The following SHROOM3 variants were observed in gnomAD, a reference collection of about 807,000 sequenced individuals.
The protein encoded by SHROOM3 is protein Shroom3.
In SHROOM3, 47 loss-of-function variants were observed where a neutral mutation model predicts 138.6. The ratio of observed to expected loss-of-function variants is 0.34; its 90% CI spans 0.27 to 0.43. The LOEUF is 0.43. Ranked by LOEUF, SHROOM3 falls within the 20% of genes least tolerant of loss-of-function variation. The pLI is 1.00. For missense variants in SHROOM3, 2,491 were observed against 2,596.5 expected, an observed-to-expected ratio of 0.96 and a Z score of 0.88; for synonymous variants, 1,062 against 1,063.3, an observed-to-expected ratio of 1.00 and a Z score of 0.02.
chr4:76,739,838 C>G lies in SHROOM3; in HGVS notation c.1665C>G (p.Ser555=). 4 of 1,614,244 alleles carry G rather than the reference C, an allele frequency of 2.5e-6. No homozygotes were observed. Among genetic ancestry groups the G allele is most frequent in the Non-Finnish European group, 3.4e-6 (4 of 1,180,050 alleles). The change falls in exon 5 of 11, where the codon TCC becomes TCG. Residue 555 remains serine, a synonymous_variant. Coordinates refer to ENST00000296043, the MANE Select transcript of SHROOM3 (RefSeq NM_020859.4). Reference sequence around the variant, plus strand: ...AAGCTACAGCCAAGTATGTCCCCTCCAAAGTCCATTTCTGTTCAGTGCCTG... The same window carrying G: ...AAGCTACAGCCAAGTATGTCCCCTCGAAAGTCCATTTCTGTTCAGTGCCTG... ...KPEATAKYVP[S]KVHFCSVPEN...
At chr4:76,748,885 G>A (rs1721535137) in intron 5 of SHROOM3, 132 bp from the exon 6 acceptor site, 1 of 624,728 alleles carries the variant, frequency 1.6e-6, no homozygotes, top group Admixed American at 1.9e-5. Context: ...TTATGTAAGA[G>A]TGCCACCACG....
intron 2 of SHROOM3, among the ~76,000 whole-genome samples, chr4:76,564,037 C>T (rs75802673): frequency 0.06 from 9,066 of 152,224 alleles, 372 homozygotes; most frequent in East Asian, 0.15. Context: ...AGGAGCGTCT[C>T]GTGTCTGAAA....
chr4:76,477,864 G>A (rs1309467783), intron 1 of SHROOM3, among the ~76,000 whole-genome samples: 15 of 152,170 alleles, frequency 9.9e-5, no homozygotes, highest in Admixed American at 9.8e-4. Flanking sequence ...CACCTGGGAA[G>A]TGCAAGGGGT....
chr4:76,561,041 A>G (rs1229468033), intron 2 of SHROOM3, among the ~76,000 whole-genome samples: 1 of 152,238 alleles, frequency 6.6e-6, no homozygotes, highest in African/African-American at 2.4e-5. Context: ...AGAACACAGC[A>G]TATGAAGTCC....
intron 2 of SHROOM3, among the ~76,000 whole-genome samples, chr4:76,603,689 C>T (rs1341602397): frequency 6.6e-6 from 1 of 151,858 alleles, no homozygotes. Context: ...CCCATCAACT[C>T]GTTATTTACA....
In SHROOM3 at chr4:76,490,444, G is replaced by A. The variant is rs188017297; in HGVS notation, c.168+54224G>A. Among the ~76,000 whole-genome samples the A allele has an allele frequency of 1.3e-4, 19 of 151,904 alleles. No individual in the cohort carries two copies. The East Asian group carries it at 2.5e-3, about 20-fold the overall frequency. ...TTTTTTTCTTTTTTTTAGTAGAGACGGGAGTTTTCACCATGTTAGCCAGGA... is the reference window on the plus strand; with the variant it reads ...TTTTTTTCTTTTTTTTAGTAGAGACAGGAGTTTTCACCATGTTAGCCAGGA... On this transcript the variant is annotated intron_variant, in intron 1 of 10. Transcript: ENST00000296043.
In SHROOM3 at chr4:76,754,727, G is replaced by A. The variant is rs370846767; in HGVS notation, c.4244G>A (p.Gly1415Glu). The A allele has an allele frequency of 1.9e-6, 3 of 1,614,072 alleles. No homozygotes were observed. The highest frequency in any genetic ancestry group is 2.2e-5 in the South Asian group (2 of 91,082). ...GGCCCAGAGCATGGGGTAGAAGAGG[G>A]AACGAGGAAGAGGGTCTCGCTGCCT... ...GDGPEHGVEE[G>E]TRKRVSLPQW... is the part of the protein sequence containing the mutation. Residue 1415 changes from glycine (G) to glutamate (E), a missense_variant, in exon 7 of 11, where the codon GGA becomes GAA. Gly to Glu is a moderately conservative substitution (Grantham distance 98, BLOSUM62 -2). This residue lies in a region of SHROOM3 where 1,733 missense variants were observed against 1,661.6 expected (regional missense o/e 1.04). Coordinates refer to ENST00000296043, the MANE Select transcript of SHROOM3 (RefSeq NM_020859.4).
chr4:76,682,730 G>A (rs1719231860), intron 2 of SHROOM3, among the ~76,000 whole-genome samples: 2 of 152,186 alleles, frequency 1.3e-5, no homozygotes, highest in South Asian at 4.2e-4. Flanking sequence ...AAATATAAGT[G>A]GAATGAAAAG....
chr4:76,630,719 G>A (rs537911327), intron 2 of SHROOM3, among the ~76,000 whole-genome samples: 29 of 152,264 alleles, frequency 1.9e-4, no homozygotes, highest in Non-Finnish European at 2.6e-4. Flanking sequence ...ACTCTGCCAC[G>A]AGCTTTTGAT....
At chr4:76,773,658 A>G (rs1171067832) in intron 10 of SHROOM3, among the ~76,000 whole-genome samples, 1 of 152,108 alleles carries the variant, frequency 6.6e-6, no homozygotes, top group Non-Finnish European at 1.5e-5. Context: ...AAAGAATGCA[A>G]CTGCCACCAA....
intron 1 of SHROOM3, among the ~76,000 whole-genome samples, chr4:76,510,412 A>G (rs1026973710): frequency 6.6e-6 from 1 of 152,242 alleles, no homozygotes; most frequent in African/African-American, 2.4e-5. Flanking sequence ...TCTCTGCCAG[A>G]TGTAGCTGAA....
chr4:76,599,990 T>A (rs939459700), intron 2 of SHROOM3, among the ~76,000 whole-genome samples: 9 of 101,648 alleles, frequency 8.9e-5, no homozygotes, highest in African/African-American at 3.6e-4. Flanking sequence ...AAAAAAACAT[T>A]TTTTTTTTAA....
rs777533913 is a variant in SHROOM3 at position 76,741,780 on chromosome 4, G to T, written c.3607G>T (p.Asp1203Tyr). 8.9e-6 allele frequency: 14 copies of T among 1,575,972 alleles called. No individual in the cohort carries two copies. Among genetic ancestry groups the T allele is most frequent in the Non-Finnish European group, 1.1e-5 (13 of 1,161,226 alleles). ...TGGAACAAGGGGCACCCAGAGAGGGGATGAGACCCCCAGGGAGCCATCCTC... is the reference window on the plus strand; with the variant it reads ...TGGAACAAGGGGCACCCAGAGAGGGTATGAGACCCCCAGGGAGCCATCCTC... ...NGGTRGTQRG[D>Y]ETPREPSSWG... Residue 1203 changes from aspartate (D) to tyrosine (Y), a missense_variant, in exon 5 of 11, where the codon GAT (aspartate) becomes TAT (tyrosine). Physicochemically the swap from Asp to Tyr is radical, Grantham distance 160 (BLOSUM62 -3). Around this residue, in one of 4 missense-constraint regions of SHROOM3, gnomAD observed 1,733 missense variants for 1,661.6 expected, o/e 1.04. Coordinates refer to ENST00000296043, the MANE Select transcript of SHROOM3 (RefSeq NM_020859.4). This position sits in a 1 kb window ranked among gnomAD's most constrained non-coding sequence, Gnocchi z 6.2.
intron 2 of SHROOM3, among the ~76,000 whole-genome samples, chr4:76,650,435 G>T (rs1235921570): frequency 2.0e-5 from 3 of 151,842 alleles, no homozygotes; most frequent in Non-Finnish European, 4.4e-5. Context: ...CCCACTGCAG[G>T]GTATATACCT....
intron 8 of SHROOM3, chr4:76,758,547 G>A (rs925015829): frequency 7.2e-5 from 11 of 151,954 alleles, no homozygotes; most frequent in African/African-American, 2.4e-4. Context: ...CATTGTGAGG[G>A]TTGGTCAGAT....
intron 3 of SHROOM3, among the ~76,000 whole-genome samples, chr4:76,724,057 T>G (rs344094): frequency 0.32 from 48,140 of 152,104 alleles, 8,978 homozygotes; most frequent in Middle Eastern, 0.49. Flanking sequence ...CAGAAACTTG[T>G]TTTGCATTCC....
At chr4:76,436,952 T>G (rs1004714680) in intron 1 of SHROOM3, among the ~76,000 whole-genome samples, 7 of 152,238 alleles carry the variant, frequency 4.6e-5, no homozygotes, top group Admixed American at 4.6e-4. Context: ...TTTAATAGTC[T>G]GATACAATAG....
At chr4:76,657,203 CTA>C (rs3045187) in intron 2 of SHROOM3, among the ~76,000 whole-genome samples, 21,295 of 150,970 alleles carry the variant, frequency 0.14, 1,684 homozygotes, top group African/African-American at 0.22. Flanking sequence ...CTCTCTCTCT[CTA>C]TATATATATA....
intron 8 of SHROOM3, 188 bp downstream of exon 8, chr4:76,757,125 AAG>A (rs1721845121): frequency 1.3e-6 from 1 of 745,030 alleles, no homozygotes; most frequent in African/African-American, 1.8e-5. Context: ...TGCAACAACA[AAG>A]AAAGTAATAG....
Sources: gnomAD v4.1 joint callset for allele counts (sites outside exome capture counted in the v4.1 genomes callset) on GRCh38, gnomAD v4.1.1 for gene constraint, gnomAD v4.1.1 regional missense constraint, Gnocchi (gnomAD v3.1) non-coding constraint, MANE v1.5 for transcripts, NCBI Gene and HGNC (gene_info 2026-07-23, HGNC 2026-07-21) for gene names.